KHDRBS2: variants seen among roughly 807,000 people sequenced by gnomAD.
KHDRBS2 encodes KH RNA binding domain containing, signal transduction associated 2, also known as KH domain-containing, RNA-binding, signal transduction-associated protein 2.
In KHDRBS2, 26 loss-of-function variants were observed where a neutral mutation model predicts 44.3. That is an observed-to-expected ratio of 0.59 (90% CI 0.43 to 0.81). The LOEUF (loss-of-function observed/expected upper bound fraction) is 0.81. Ranked by LOEUF, KHDRBS2 falls within the 40% of genes least tolerant of loss-of-function variation. The pLI is 0.00. For synonymous variants in KHDRBS2, 194 were observed against 151.1 expected (o/e 1.28, Z -2.08); for missense variants, 476 against 433.1 (o/e 1.10, Z -0.88).
intron 2 of KHDRBS2, among the ~76,000 whole-genome samples, chr6:62,103,262 T>C (rs918605514): frequency 4.6e-5 from 7 of 152,082 alleles, no homozygotes; most frequent in Admixed American, 4.6e-4. Context: ...CCTGTCTGCC[T>C]CTTGCTGAGA....
intron 1 of KHDRBS2, among the ~76,000 whole-genome samples, chr6:62,180,895 T>C (rs1174986170): frequency 6.6e-6 from 1 of 151,752 alleles, no homozygotes; most frequent in Non-Finnish European, 1.5e-5. Flanking sequence ...TATACATGTA[T>C]GTTCAATTGT....
chr6:61,707,133 A>G (rs1769720970), intron 7 of KHDRBS2, among the ~76,000 whole-genome samples: 2 of 151,796 alleles, frequency 1.3e-5, no homozygotes, highest in South Asian at 4.1e-4. Context: ...TCAGAGGAAG[A>G]GCATTCTAGG....
At chr6:61,561,650 T>G in the KHDRBS2 span, among the ~76,000 whole-genome samples, 1 of 152,158 alleles carries the variant, frequency 6.6e-6, no homozygotes, top group Non-Finnish European at 1.5e-5. Flanking sequence ...ATGAGAGTAT[T>G]GCCATGGTAT....
intron 6 of KHDRBS2, among the ~76,000 whole-genome samples, chr6:61,733,437 C>CA (rs1273389578): frequency 4.0e-5 from 6 of 151,774 alleles, no homozygotes; most frequent in South Asian, 2.1e-4. Context: ...CTAAAAAATA[C>CA]AAAAAAATTT....
chr6:62,185,837 T>C (rs1823305446), intron 1 of KHDRBS2, among the ~76,000 whole-genome samples: 3 of 152,038 alleles, frequency 2.0e-5, no homozygotes, highest in South Asian at 2.1e-4. Flanking sequence ...CATGGAGTTG[T>C]ACAGAGTAAC....
chr6:62,222,547 C>A (rs1585273708), intron 1 of KHDRBS2, among the ~76,000 whole-genome samples: 2 of 152,230 alleles, frequency 1.3e-5, no homozygotes, highest in Middle Eastern at 3.4e-3. Context: ...TTATCTCCCA[C>A]CAGGTCCCTC....
chr6:61,607,519 G>GAAAAAA, the KHDRBS2 span, among the ~76,000 whole-genome samples: 657 of 23,312 alleles, frequency 0.028, 85 homozygotes, highest in African/African-American at 0.064. Flanking sequence ...TGAGTTCCAA[G>GAAAAAA]CAAAAAAAAA....
At chr6:62,215,605 GA>G (rs1480561157) in intron 1 of KHDRBS2, among the ~76,000 whole-genome samples, 2 of 151,696 alleles carry the variant, frequency 1.3e-5, no homozygotes, top group African/African-American at 2.4e-5. Context: ...ATTTAAATTA[GA>G]AAATAATTAC....
chr6:61,647,439 A>G, the KHDRBS2 span, among the ~76,000 whole-genome samples: 1 of 152,096 alleles, frequency 6.6e-6, no homozygotes, highest in Non-Finnish European at 1.5e-5. Context: ...ATTATCTATA[A>G]TTGTAGATAA....
the KHDRBS2 span, among the ~76,000 whole-genome samples, chr6:61,653,099 ATGG>A: frequency 2.6e-3 from 403 of 152,194 alleles, no homozygotes; most frequent in African/African-American, 9.3e-3. Context: ...TACTTAATTG[ATGG>A]TGGAGTCAGT....
intron 6 of KHDRBS2, among the ~76,000 whole-genome samples, chr6:61,840,313 G>A (rs1793401465): frequency 6.6e-6 from 1 of 151,958 alleles, no homozygotes; most frequent in African/African-American, 2.4e-5. Context: ...AAATGACTGT[G>A]GTTGCTTGCA....
intron 7 of KHDRBS2, among the ~76,000 whole-genome samples, chr6:61,722,354 G>C (rs1476067257): frequency 6.6e-6 from 1 of 152,136 alleles, no homozygotes; most frequent in African/African-American, 2.4e-5. Context: ...CAAAATAACT[G>C]GGGGATTAAT....
intron 4 of KHDRBS2, among the ~76,000 whole-genome samples, chr6:61,949,166 A>G (rs1583680163): frequency 6.6e-6 from 1 of 152,124 alleles, no homozygotes; most frequent in African/African-American, 2.4e-5. Flanking sequence ...ATTATGTTTA[A>G]GTAGGGGTGA....
intron 6 of KHDRBS2, among the ~76,000 whole-genome samples, chr6:61,873,048 G>A (rs1021357985): frequency 2.6e-5 from 4 of 152,048 alleles, no homozygotes; most frequent in African/African-American, 7.2e-5. Context: ...TAACCTGGAG[G>A]AGAAACAATA....
At chr6:61,709,349 A>G (rs1272599454) in intron 7 of KHDRBS2, among the ~76,000 whole-genome samples, 4 of 151,680 alleles carry the variant, frequency 2.6e-5, no homozygotes, top group Admixed American at 2.6e-4. Context: ...TCATAGATTA[A>G]GAATCAAGAT....
At chr6:61,586,137 T>G in the KHDRBS2 span, among the ~76,000 whole-genome samples, 1 of 152,206 alleles carries the variant, frequency 6.6e-6, no homozygotes, top group Non-Finnish European at 1.5e-5. Context: ...GATTTTTTAG[T>G]TACTTAAATC....
At chr6:61,806,185 G>A (rs74373288) in intron 6 of KHDRBS2, among the ~76,000 whole-genome samples, 1,998 of 152,208 alleles carry the variant, frequency 0.013, 19 homozygotes, top group African/African-American at 0.023. Flanking sequence ...GGTCTGGGAC[G>A]AAGCTGGAAA....
chr6:62,100,225 G>T (rs1320301444), intron 2 of KHDRBS2, among the ~76,000 whole-genome samples: 1 of 152,188 alleles, frequency 6.6e-6, no homozygotes, highest in African/African-American at 2.4e-5. Flanking sequence ...GAAGCTTGAA[G>T]ATGTGACTGA....
At chr6:62,247,665 AAG>A (rs1835831378) in intron 1 of KHDRBS2, among the ~76,000 whole-genome samples, 1 of 152,008 alleles carries the variant, frequency 6.6e-6, no homozygotes, top group South Asian at 2.1e-4. Flanking sequence ...TCATTTGTAA[AAG>A]AGAGCAAATG....
Sources: allele counts gnomAD v4.1 joint callset (sites outside exome capture counted in the v4.1 genomes callset), GRCh38; gene constraint gnomAD v4.1.1; transcripts MANE v1.5; gene names NCBI Gene and HGNC (gene_info 2026-07-23, HGNC 2026-07-21).